The following CA1 variants were observed in gnomAD, a reference collection of about 807,000 sequenced individuals.
The protein encoded by CA1 is carbonate dehydratase I.
CA1 carries 27 observed loss-of-function variants against 28.8 expected under a neutral mutation model. The observed-to-expected ratio is 0.94, with a 90% CI of 0.69 to 1.29. CA1 has a LOEUF of 1.29. CA1 is among the 50% of genes most tolerant of loss of function. CA1 has a pLI of 0.00. For missense variants in CA1, 335 were observed against 310.5 expected (o/e 1.08, Z -0.59); for synonymous variants, 121 against 108.8 (o/e 1.11, Z -0.70).
At chr8:85,347,758 ACTC>A (rs141814235) in intron 1 of CA1, among the ~76,000 whole-genome samples, 4,078 of 151,908 alleles carry the variant, frequency 0.027, 178 homozygotes, top group African/African-American at 0.093. Context: ...CTCAGTTACT[ACTC>A]TTGATACCAC....
chr8:85,349,220 C>T (rs909240317), intron 1 of CA1, among the ~76,000 whole-genome samples: 2 of 152,150 alleles, frequency 1.3e-5, no homozygotes, highest in Admixed American at 1.3e-4. Flanking sequence ...TTTTTTTACT[C>T]ACATGATCTT....
At chr8:85,339,666 CTT>C (rs1808834405) in intron 2 of CA1, among the ~76,000 whole-genome samples, 1 of 152,208 alleles carries the variant, frequency 6.6e-6, no homozygotes, top group Admixed American at 6.5e-5. Flanking sequence ...AACTAGACCT[CTT>C]GTGCCAGTTA....
At chr8:85,344,697 A>G (rs1809107374) in intron 1 of CA1, among the ~76,000 whole-genome samples, 1 of 152,136 alleles carries the variant, frequency 6.6e-6, no homozygotes, top group Admixed American at 6.5e-5. Flanking sequence ...TATAAAAGGA[A>G]CAAAAAGTGA....
At chr8:85,361,811 C>G (rs1288521779) in intron 1 of CA1, among the ~76,000 whole-genome samples, 3 of 152,166 alleles carry the variant, frequency 2.0e-5, no homozygotes, top group African/African-American at 7.2e-5. Flanking sequence ...TTCACTGGAC[C>G]AGCGCTATTA....
intron 7 of CA1, 120 bp from the exon 8 acceptor site, chr8:85,328,796 C>T (rs1443753811): frequency 1.7e-6 from 1 of 574,258 alleles, no homozygotes; most frequent in Non-Finnish European, 3.1e-6. Context: ...AGTAATATCA[C>T]TAATAGGAAG....
At chr8:85,343,824 T>C (rs1809021974) in intron 1 of CA1, among the ~76,000 whole-genome samples, 1 of 151,928 alleles carries the variant, frequency 6.6e-6, no homozygotes, top group Non-Finnish European at 1.5e-5. Flanking sequence ...GAAAATTATA[T>C]AGAGAAAGGA....
At chr8:85,332,939 G>A (rs1284095686) in intron 5 of CA1, among the ~76,000 whole-genome samples, 1 of 152,084 alleles carries the variant, frequency 6.6e-6, no homozygotes, top group Non-Finnish European at 1.5e-5. Context: ...AGGTTAAGTA[G>A]AAGTGCTATA....
intron 1 of CA1, among the ~76,000 whole-genome samples, chr8:85,343,756 C>T (rs560756757): frequency 7.4e-4 from 112 of 151,992 alleles, no homozygotes; most frequent in African/African-American, 2.6e-3. Flanking sequence ...GACACTGGAC[C>T]CTAACTATTA....
chr8:85,335,682 G>A (rs1808623675), intron 4 of CA1, among the ~76,000 whole-genome samples: 1 of 152,146 alleles, frequency 6.6e-6, no homozygotes, highest in South Asian at 2.1e-4. Flanking sequence ...TCTCAATTTA[G>A]ATGAGAGAGT....
At position 85,327,797 on chromosome 8, in the gene CA1, A is replaced by G. The variant is rs935871283; in HGVS notation, c.*763T>C. ...TGATGTTTCTATATGATTCTAAGCA[A>G]GAATGACTTCTTTAGCATTTTTATA... On this transcript the variant is annotated 3_prime_UTR_variant, in exon 8 of 8. Coordinates refer to ENST00000523022, the MANE Select transcript of CA1 (RefSeq NM_001128831.4). 6.6e-6 allele frequency: 1 copy of G among 152,246 alleles called. No individual in the cohort carries two copies. The highest frequency in any genetic ancestry group is 2.4e-5 in the African/African-American group (1 of 41,480). The allele number at this position is 152,246 out of a possible 1,614,324, so 9.4% of individuals were successfully genotyped here. A position where few individuals can be genotyped will look rare whatever the true frequency, so the allele number is the denominator to read the frequency against.
intron 1 of CA1, among the ~76,000 whole-genome samples, chr8:85,355,451 C>T (rs537108812): frequency 4.7e-4 from 71 of 151,858 alleles, no homozygotes; most frequent in Middle Eastern, 6.9e-3. Context: ...AGGCTGGGTG[C>T]AGATCACTGC....
chr8:85,369,909 C>G (rs370936252), intron 1 of CA1, among the ~76,000 whole-genome samples: 7 of 152,292 alleles, frequency 4.6e-5, no homozygotes, highest in African/African-American at 1.7e-4. Context: ...TACAGTTCAA[C>G]AAGTAGCCAA....
At chr8:85,336,796 C>T (rs2130174121) in intron 4 of CA1, 149 bp downstream of exon 4, 2 of 691,482 alleles carry the variant, frequency 2.9e-6, no homozygotes, top group East Asian at 5.4e-5. Flanking sequence ...CATTATGTGT[C>T]TGTGCTTGAT....
chr8:85,332,576 A>G (rs1217679381), intron 5 of CA1, 24 bp from the exon 6 acceptor site: 3 of 1,577,866 alleles, frequency 1.9e-6, no homozygotes, highest in African/African-American at 1.3e-5. Flanking sequence ...AAAATAAAGT[A>G]TGAGATAAAG....
At chr8:85,349,679 C>G (rs903565893) in intron 1 of CA1, 10 of 152,168 alleles carry the variant, frequency 6.6e-5, no homozygotes, top group Non-Finnish European at 1.3e-4. Context: ...CTATCACATG[C>G]ATCCCTACTG....
In CA1 at chr8:85,329,798, G is replaced by A. The variant is rs762346223; in HGVS notation, c.560C>T (p.Pro187Leu). The part of the protein sequence containing the change: ...FTNFDPSTLL[P>L]SSLDFWTYPG... ...GTAGGTCCAGAAATCCAGGGATGAA[G>A]GAAGGAGAGTAGAGGGGTCAAAATT... The change falls in exon 7 of 8, where the codon CCT (proline) becomes CTT (leucine). Residue 187 changes from proline (P) to leucine (L), a missense_variant. Physicochemically the swap from Pro to Leu is moderately conservative, Grantham distance 98. Transcript: ENST00000523022. 1 of 1,602,772 alleles carries A rather than the reference G, an allele frequency of 6.2e-7. No homozygotes were observed. The highest frequency in any genetic ancestry group is 1.1e-5 in the South Asian group (1 of 89,316).
rs184414052 is a variant in CA1 at position 85,330,586 on chromosome 8, G to C, written c.514-742C>G. The stretch of plus-strand genomic sequence containing the variant: ...GTGTTTCACTATGAAGTTAAATGTT[G>C]ATACAAGTTTCTAGGTAAATTCTTT... On this transcript the variant is annotated intron_variant, in intron 6 of 7. Transcript: ENST00000523022. 2.9e-3 allele frequency among the ~76,000 whole-genome samples: 441 copies of C among 152,174 alleles called. 3 individuals are homozygous for C. The highest frequency in any genetic ancestry group is 9.9e-3 in the African/African-American group (412 of 41,532).
chr8:85,368,033 G>A (rs1810075846), intron 1 of CA1, among the ~76,000 whole-genome samples: 1 of 151,578 alleles, frequency 6.6e-6, no homozygotes, highest in South Asian at 2.1e-4. Flanking sequence ...AATATGAGCT[G>A]TACAATTTTC....
intron 1 of CA1, among the ~76,000 whole-genome samples, chr8:85,350,736 T>G (rs1245730300): frequency 1.3e-5 from 2 of 152,074 alleles, no homozygotes; most frequent in Admixed American, 6.6e-5. Flanking sequence ...AAAATGGAGA[T>G]CCACAGAGTC....
Sources: allele counts gnomAD v4.1 joint callset (sites outside exome capture counted in the v4.1 genomes callset), GRCh38; gene constraint gnomAD v4.1.1; transcripts MANE v1.5; gene names NCBI Gene and HGNC (gene_info 2026-07-23, HGNC 2026-07-21).